The following ETV6 variants were observed in gnomAD, a reference collection of about 807,000 sequenced individuals.
ETV6 encodes transcription factor ETV6.
A neutral mutation model predicts 51.1 loss-of-function variants in ETV6; 16 were observed. The observed-to-expected ratio is 0.31, with a 90% CI of 0.21 to 0.48. ETV6 has a LOEUF of 0.48. Ranked by LOEUF, ETV6 falls within the 20% of genes least tolerant of loss-of-function variation. ETV6 has a pLI of 0.99. For missense variants in ETV6, 458 were observed against 594.8 expected (o/e 0.77, Z 2.39); for synonymous variants, 240 against 224.1 (o/e 1.07, Z -0.64).
At chr12:11,695,752 G>C (rs914053994) in intron 1 of ETV6, among the ~76,000 whole-genome samples, 1 of 152,178 alleles carries the variant, frequency 6.6e-6, no homozygotes. Context: ...AGACCTAGGG[G>C]TGTGCATCCT....
chr12:11,763,392 A>G (rs1412581440), intron 2 of ETV6, among the ~76,000 whole-genome samples: 3 of 152,232 alleles, frequency 2.0e-5, no homozygotes, highest in Non-Finnish European at 4.4e-5. Flanking sequence ...ACACAAAAGT[A>G]GGAATTCCCT....
At chr12:11,751,383 C>T in intron 1 of ETV6, 1 of 518,790 alleles carries the variant, frequency 1.9e-6, no homozygotes, top group Middle Eastern at 3.2e-4. Flanking sequence ...CTTTCCTTTC[C>T]ACCATATTTT....
chr12:11,696,488 T>C (rs1864880971), intron 1 of ETV6, among the ~76,000 whole-genome samples: 1 of 152,160 alleles, frequency 6.6e-6, no homozygotes. Context: ...CCATCTAAAG[T>C]ACCAATAACC....
rs568649813 is a variant in ETV6 at position 11,730,533 on chromosome 12, C to T, written c.34-21917C>T. ...AGAGTTCTAAGGACGGGTTGTCCAGCGCAGCCCAGCAGAGAACCTAGGTCC... is the reference window on the plus strand; with the variant it reads ...AGAGTTCTAAGGACGGGTTGTCCAGTGCAGCCCAGCAGAGAACCTAGGTCC... On this transcript the variant is annotated intron_variant, in intron 1 of 7. Coordinates refer to ENST00000396373, the MANE Select transcript of ETV6 (RefSeq NM_001987.5). 4.6e-5 allele frequency among the ~76,000 whole-genome samples: 7 copies of T among 152,290 alleles called. No individual in the cohort carries two copies. In the South Asian group the frequency reaches 8.3e-4, roughly 18 times the overall value.
intron 1 of ETV6, among the ~76,000 whole-genome samples, chr12:11,708,154 A>G (rs1008902875): frequency 2.0e-5 from 3 of 152,018 alleles, no homozygotes; most frequent in Non-Finnish European, 4.4e-5. Flanking sequence ...TCACTACCAC[A>G]TCCAGCCTTG....
intron 1 of ETV6, among the ~76,000 whole-genome samples, chr12:11,650,494 AAC>A (rs1426153245): frequency 1.1e-3 from 74 of 67,400 alleles, no homozygotes; most frequent in Non-Finnish European, 1.8e-3. Context: ...AAAAAAAAAA[AAC>A]AAAAAACAAA....
chr12:11,668,069 A>G (rs551867232), intron 1 of ETV6, among the ~76,000 whole-genome samples: 23 of 152,210 alleles, frequency 1.5e-4, no homozygotes, highest in Non-Finnish European at 7.4e-5. Flanking sequence ...CCTGGACTCA[A>G]GTGATCCTCC....
At chr12:11,672,647 A>G (rs151106460) in intron 1 of ETV6, among the ~76,000 whole-genome samples, 103 of 152,366 alleles carry the variant, frequency 6.8e-4, no homozygotes, top group African/African-American at 2.3e-3. Context: ...ATAATCAGCA[A>G]CATAGCCTGT....
At position 11,853,554 on chromosome 12, in the gene ETV6, TGAA is replaced by T. The variant is rs1946588664; in HGVS notation, c.461_463del (p.Glu154del). On this transcript the variant is annotated inframe_deletion, in exon 4 of 8. Transcript: ENST00000396373. ...CGGAGGTCATACTGCATCAGAACCA[TGAA>T]GAAGGTACTGGAAGAGGTTTCTCTT... 6.2e-7 allele frequency: 1 copy of T among 1,614,100 alleles called. No homozygotes were observed. Among genetic ancestry groups the T allele is most frequent in the South Asian group, 1.1e-5 (1 of 91,086 alleles).
At chr12:11,884,722 G>T (rs1243879120) in intron 6 of ETV6, 135 bp downstream of exon 6, 1 of 1,086,806 alleles carries the variant, frequency 9.2e-7, no homozygotes, top group Non-Finnish European at 1.3e-6. Flanking sequence ...TGCTGGGCAA[G>T]CAATTAGGCA....
intron 2 of ETV6, among the ~76,000 whole-genome samples, chr12:11,836,177 CT>C (rs924486073): frequency 7.4e-5 from 11 of 148,218 alleles, no homozygotes; most frequent in Admixed American, 6.0e-4. Flanking sequence ...GGAAAAGGGG[CT>C]TTTTCCCCCC....
chr12:11,748,725 G>A (rs549190076), intron 1 of ETV6, among the ~76,000 whole-genome samples: 9 of 152,262 alleles, frequency 5.9e-5, no homozygotes, highest in African/African-American at 2.2e-4. Flanking sequence ...CTATTTTACA[G>A]GGAAGTCACG....
chr12:11,695,559 G>A (rs10772498), intron 1 of ETV6, among the ~76,000 whole-genome samples: 46,331 of 152,170 alleles, frequency 0.3, 8,683 homozygotes, highest in East Asian at 0.51. Context: ...AGAAGGACTA[G>A]TTTCTTTAAT....
chr12:11,883,279 T>TTCTTC (rs1565566859), intron 5 of ETV6, among the ~76,000 whole-genome samples: 2 of 8,186 alleles, frequency 2.4e-4, no homozygotes, highest in African/African-American at 3.8e-4. Context: ...TCTTCTTCTT[T>TTCTTC]TTTTTTTTTT....
At chr12:11,888,430 C>T (rs1485341882) in intron 7 of ETV6, among the ~76,000 whole-genome samples, 9 of 122,798 alleles carry the variant, frequency 7.3e-5, no homozygotes, top group Admixed American at 6.4e-4. Context: ...GAGCCTTGTT[C>T]TGTCACCCAG....
chr12:11,778,084 G>A (rs1945358595), intron 2 of ETV6, among the ~76,000 whole-genome samples: 1 of 152,186 alleles, frequency 6.6e-6, no homozygotes, highest in Non-Finnish European at 1.5e-5. Flanking sequence ...AGCAAGCCAT[G>A]TCAAATAGCA....
chr12:11,853,818 C>T (rs1946593271), intron 4 of ETV6, among the ~76,000 whole-genome samples: 2 of 152,134 alleles, frequency 1.3e-5, no homozygotes, highest in South Asian at 4.1e-4. Flanking sequence ...TGGAAGGGTC[C>T]ATGACAGCCA....
chr12:11,887,749 GAAAAAAAAAAA>G (rs58685356), intron 7 of ETV6, among the ~76,000 whole-genome samples: 3 of 97,396 alleles, frequency 3.1e-5, no homozygotes, highest in South Asian at 3.2e-4. Context: ...TCCATCTCAA[GAAAAAAAAAAA>G]AAAAAGAAAA....
chr12:11,749,288 T>TACACACACACACACACACACACAC (rs761925697), intron 1 of ETV6, among the ~76,000 whole-genome samples: 3 of 122,842 alleles, frequency 2.4e-5, no homozygotes, highest in Non-Finnish European at 3.3e-5. Flanking sequence ...ATCCCCCCCA[T>TACACACACACACACACACACACAC]ACACACACAC....
Sources: gnomAD v4.1 joint callset for allele counts (sites outside exome capture counted in the v4.1 genomes callset) on GRCh38, gnomAD v4.1.1 for gene constraint, MANE v1.5 for transcripts, NCBI Gene and HGNC (gene_info 2026-07-23, HGNC 2026-07-21) for gene names.